KRT7: variants seen among roughly 807,000 people sequenced by gnomAD.
KRT7 encodes keratin 7, also known as keratin, type II cytoskeletal 7.
In KRT7, 50 loss-of-function variants were observed where a neutral mutation model predicts 42.8. That is an observed-to-expected ratio of 1.17 (90% CI 0.93 to 1.48). The LOEUF is 1.48. Among genes scored for constraint, KRT7 ranks in the 40% most tolerant of loss-of-function variants. The probability of loss-of-function intolerance (pLI) is 0.00; values close to 1 mark genes in which losing one functional copy is unlikely to be tolerated. For missense variants in KRT7, 588 were observed against 637.6 expected (o/e 0.92, Z 0.84); for synonymous variants, 268 against 266.3 (o/e 1.01, Z -0.06).
downstream of KRT7, chr12:52,253,722 A>C (rs527516211): frequency 1.6e-6 from 2 of 1,273,480 alleles, no homozygotes; most frequent in Admixed American, 3.7e-5. Flanking sequence ...CATCTTGACG[A>C]CCACTGAGGT....
downstream of KRT7, chr12:52,255,366 AATTC>A (rs1393994438): frequency 2.2e-6 from 1 of 456,806 alleles, no homozygotes; most frequent in South Asian, 1.5e-5. Context: ...CAAGGCCACA[AATTC>A]ATTCTCAGCA....
At chr12:52,253,056 G>A (rs191398426), downstream of KRT7, among the ~76,000 whole-genome samples, 11 of 152,272 alleles carry the variant, frequency 7.2e-5, no homozygotes, top group South Asian at 2.1e-4. Context: ...TCCATTCAGC[G>A]AGAATGGAGA....
chr12:52,241,712 C>T (rs1942095062), intron 5 of KRT7, 76 bp downstream of exon 5: 4 of 1,370,602 alleles, frequency 2.9e-6, no homozygotes, highest in East Asian at 2.4e-5. Flanking sequence ...CAACTTGTCT[C>T]AAGCCTTCAG....
intron 6 of KRT7, among the ~76,000 whole-genome samples, chr12:52,244,158 G>T (rs1942135945): frequency 6.6e-6 from 1 of 152,244 alleles, no homozygotes; most frequent in Non-Finnish European, 1.5e-5. Context: ...GTGGGGGGAT[G>T]TGAGGGTGAT....
intron 6 of KRT7, chr12:52,244,548 GTC>G: frequency 2.0e-6 from 2 of 985,758 alleles, no homozygotes; most frequent in Non-Finnish European, 2.4e-6. Flanking sequence ...GGGGAATGCT[GTC>G]TCTGGCAGAG....
chr12:52,247,391 C>G (rs544451574), intron 7 of KRT7: 1 of 152,238 alleles, frequency 6.6e-6, no homozygotes, highest in Non-Finnish European at 1.5e-5. Flanking sequence ...CTCTCTTTCC[C>G]TCAGCCTTTG....
chr12:52,236,409 C>G (rs1257269260), intron 2 of KRT7, among the ~76,000 whole-genome samples: 1 of 149,774 alleles, frequency 6.7e-6, no homozygotes, highest in Non-Finnish European at 1.5e-5. Context: ...TCCTGTGGAG[C>G]CAGTCTGAGA....
chr12:52,237,264 G>A (rs572173464), intron 2 of KRT7, among the ~76,000 whole-genome samples: 6 of 152,260 alleles, frequency 3.9e-5, no homozygotes, highest in Admixed American at 1.3e-4. Context: ...TGCAGCTTTT[G>A]TGCTGTCATT....
In KRT7 at chr12:52,245,588, C is replaced by A; in HGVS notation, c.1161C>A (p.Ile387=). 1.2e-6 allele frequency: 2 copies of A among 1,613,940 alleles called. No homozygotes were observed. The highest frequency in any genetic ancestry group is 1.7e-6 in the Non-Finnish European group (2 of 1,180,044). The change falls in exon 7 of 9, where the codon ATC becomes ATA. Residue 387 remains isoleucine, a synonymous_variant. Coordinates refer to ENST00000331817, the MANE Select transcript of KRT7 (RefSeq NM_005556.4). The part of the protein sequence containing the change: ...ELMSVKLALD[I]EIATYRKLLE... ...TGAGCGTGAAGCTGGCCCTGGACAT[C>A]GAGATCGCCACCTACCGCAAGCTGC...
chr12:52,248,300 C>G, intron 8 of KRT7, 89 bp downstream of exon 8: 1 of 1,361,062 alleles, frequency 7.3e-7, no homozygotes, highest in East Asian at 2.3e-5. Context: ...GCCCAGGGCC[C>G]TGCTGGAGGG....
downstream of KRT7, among the ~76,000 whole-genome samples, chr12:52,251,140 C>T (rs551757145): frequency 5.9e-5 from 9 of 152,190 alleles, no homozygotes; most frequent in South Asian, 6.2e-4. Context: ...TCACCTTGCC[C>T]GGCTAATTTT....
Position 52,245,602 on chromosome 12 carries a change from A to C in KRT7, c.1175A>C (p.Tyr392Ser), listed in dbSNP as rs1364216611. 1.2e-6 allele frequency: 2 copies of C among 1,613,766 alleles called. No homozygotes were observed. Residue 392 changes from tyrosine to serine, a missense_variant, in exon 7 of 9, where the codon TAC becomes TCC. Tyr to Ser is a moderately radical substitution (Grantham distance 144). Transcript: ENST00000331817. ...GCCCTGGACATCGAGATCGCCACCTACCGCAAGCTGCTGGAGGGCGAGGAG... is the reference window on the plus strand; with the variant it reads ...GCCCTGGACATCGAGATCGCCACCTCCCGCAAGCTGCTGGAGGGCGAGGAG... ...KLALDIEIAT[Y>S]RKLLEGEESR...
chr12:52,251,673 C>A (rs1565725246), downstream of KRT7: 1 of 299,164 alleles, frequency 3.3e-6, no homozygotes, highest in Non-Finnish European at 6.5e-6. Context: ...GACTACTGTC[C>A]TATATTCCAT....
chr12:52,245,445 G>A lies in KRT7; in HGVS notation c.1018G>A (p.Glu340Lys). Residue 340 changes from glutamate to lysine, a missense_variant, in exon 7 of 9, where the codon GAG becomes AAG. By Grantham distance (56) the Glu-to-Lys change is moderately conservative. Transcript: ENST00000331817. ...AKLEAAIAEAEERGELALKDA... is the reference protein window; with the variant it reads ...AKLEAAIAEAKERGELALKDA... Reference sequence around the variant, plus strand: ...GTTGGAGGCCGCCATTGCCGAGGCTGAGGAGCGTGGGGAGCTGGCGCTCAA... The same window carrying A: ...GTTGGAGGCCGCCATTGCCGAGGCTAAGGAGCGTGGGGAGCTGGCGCTCAA... 6.2e-7 allele frequency: 1 copy of A among 1,613,996 alleles called. No homozygotes were observed. Among genetic ancestry groups the A allele is most frequent in the Non-Finnish European group, 8.5e-7 (1 of 1,179,988 alleles).
chr12:52,240,459 G>T (rs768554859), intron 4 of KRT7, among the ~76,000 whole-genome samples: 4 of 151,820 alleles, frequency 2.6e-5, no homozygotes, highest in African/African-American at 9.7e-5. Context: ...GTGAAACCCC[G>T]TGTCTACTAA....
intron 2 of KRT7, among the ~76,000 whole-genome samples, chr12:52,236,635 C>G (rs181021658): frequency 1.6e-4 from 25 of 152,318 alleles, no homozygotes; most frequent in African/African-American, 5.1e-4. Context: ...CACCTCCAAC[C>G]CTGAGTCTGG....
intron 4 of KRT7, 121 bp downstream of exon 4, chr12:52,238,896 TC>T (rs1942045450): frequency 1.5e-6 from 1 of 674,502 alleles, no homozygotes; most frequent in African/African-American, 1.8e-5. Context: ...AACAAACTCA[TC>T]CGTCCAAACC....
At chr12:52,253,291 G>GC (rs2121133905), downstream of KRT7, 1 of 1,612,818 alleles carries the variant, frequency 6.2e-7, no homozygotes. Flanking sequence ...CCTTGGTGCG[G>GC]CGCAGGGTCT....
At chr12:52,251,820 C>T, downstream of KRT7, 1 of 359,460 alleles carries the variant, frequency 2.8e-6, no homozygotes, top group South Asian at 2.2e-5. Context: ...GTTTGTCAAT[C>T]AAGTTTTCTT....
Sources: gnomAD v4.1 joint callset for allele counts (sites outside exome capture counted in the v4.1 genomes callset) on GRCh38, gnomAD v4.1.1 for gene constraint, MANE v1.5 for transcripts, NCBI Gene and HGNC (gene_info 2026-07-23, HGNC 2026-07-21) for gene names.